MLPH: variants seen among roughly 807,000 people sequenced by gnomAD.
MLPH encodes the protein exophilin-3.
Under a neutral mutation model 72.1 loss-of-function variants are expected in MLPH, and 51 were observed. The observed-to-expected ratio is 0.71, with a 90% CI of 0.56 to 0.89. The LOEUF (loss-of-function observed/expected upper bound fraction) is 0.89. MLPH is among the 40% of genes least tolerant of loss of function. The pLI, the probability that MLPH is intolerant of heterozygous loss-of-function variation, is 0.00. For synonymous variants in MLPH, 301 were observed against 310.1 expected (o/e 0.97, Z 0.31); for missense variants, 743 against 759.9 (o/e 0.98, Z 0.26).
Position 237,488,884 on chromosome 2 carries a change from C to CA in MLPH, c.-25+1448dup, listed in dbSNP as rs1418711611. Reference sequence around the variant, plus strand: ...TAAGCCCCAGTCTCAGTGGTTGGGGCAGCCTTCTAGGGCCAACTGTCTTGT... The same window carrying CA: ...TAAGCCCCAGTCTCAGTGGTTGGGGCAAGCCTTCTAGGGCCAACTGTCTTGT... On this transcript the variant is annotated intron_variant, in intron 1 of 15. Coordinates refer to ENST00000264605, the MANE Select transcript of MLPH (RefSeq NM_024101.7). Among the ~76,000 whole-genome samples the CA allele has an allele frequency of 3.9e-5, 6 of 152,322 alleles. No homozygotes were observed. In the East Asian group the frequency reaches 1.2e-3, roughly 29 times the overall value.
intron 9 of MLPH, among the ~76,000 whole-genome samples, chr2:237,539,538 A>G (rs1274693291): frequency 6.6e-6 from 1 of 152,136 alleles, no homozygotes; most frequent in Non-Finnish European, 1.5e-5. Flanking sequence ...TTTATCACAT[A>G]ACTCTGCCAC....
intron 8 of MLPH, among the ~76,000 whole-genome samples, chr2:237,533,040 C>T (rs1171024746): frequency 6.6e-6 from 1 of 152,196 alleles, no homozygotes; most frequent in African/African-American, 2.4e-5. Flanking sequence ...CTGATGGTGC[C>T]TTTGATCACA....
intron 12 of MLPH, chr2:237,545,645 C>T (rs1453159672): frequency 1.1e-5 from 14 of 1,276,006 alleles, no homozygotes; most frequent in East Asian, 1.1e-4. Flanking sequence ...GAGCTGCTCA[C>T]GTCAGGCCAA....
rs767893507 is a variant in MLPH at position 237,540,809 on chromosome 2, C to A, written c.1298C>A (p.Thr433Lys). 1.9e-6 allele frequency: 3 copies of A among 1,613,122 alleles called. No individual in the cohort carries two copies. In the South Asian group the frequency reaches 3.3e-5, roughly 18 times the overall value. ...PLPQADPEVG[T>K]AAHQTNRQEK... ...CGTCCTTCTCTTTCCTAGGTGGGCACGGCTGCCCATCAAACCAACAGACAG... is the reference window on the plus strand; with the variant it reads ...CGTCCTTCTCTTTCCTAGGTGGGCAAGGCTGCCCATCAAACCAACAGACAG... The change falls in exon 11 of 16, where the codon ACG becomes AAG. Residue 433 changes from threonine to lysine, a missense_variant. Transcript: ENST00000264605.
At chr2:237,532,565 G>A (rs1310098730) in intron 8 of MLPH, among the ~76,000 whole-genome samples, 7 of 152,242 alleles carry the variant, frequency 4.6e-5, no homozygotes, top group Non-Finnish European at 7.3e-5. Context: ...GACATATTTT[G>A]TTGGTTTGCT....
chr2:237,503,074 A>G (rs2079685517), intron 2 of MLPH, among the ~76,000 whole-genome samples: 1 of 152,194 alleles, frequency 6.6e-6, no homozygotes, highest in South Asian at 2.1e-4. Flanking sequence ...AGCCAAGATC[A>G]CACCACTTCA....
In MLPH at chr2:237,518,545, C is replaced by A; in HGVS notation, c.452C>A (p.Pro151His). Reference protein sequence around the residue: ...LHGRLQGGAGPELISEERSGD... With the variant: ...LHGRLQGGAGHELISEERSGD... ...ATGCAGGTATCTATTGCAGCTGGGC[C>A]TGAACTGATATCTGAAGAGAGAAGT... The change falls in exon 5 of 16, where the codon CCT becomes CAT. Residue 151 changes from proline (P) to histidine (H), a missense_variant. Transcript: ENST00000264605. The A allele has an allele frequency of 6.2e-7, 1 of 1,612,778 alleles. No individual in the cohort carries two copies. The highest frequency in any genetic ancestry group is 8.5e-7 in the Non-Finnish European group (1 of 1,179,370).
In MLPH at chr2:237,518,585, G is replaced by C. The variant is rs2080104227; in HGVS notation, c.492G>C (p.Gln164His). ...ISEERSGDSD[Q>H]TDEDGEPGSE... ...AAGAGAGAAGTGGAGACAGCGACCA[G>C]ACAGATGAGGATGGAGAACCTGGCT... Residue 164 changes from glutamine (Q) to histidine (H), a missense_variant, in exon 5 of 16, where the codon CAG becomes CAC. Physicochemically the swap from Gln to His is conservative, Grantham distance 24. Coordinates refer to ENST00000264605, the MANE Select transcript of MLPH (RefSeq NM_024101.7). 6.2e-7 allele frequency: 1 copy of C among 1,613,798 alleles called. No homozygotes were observed. The highest frequency in any genetic ancestry group is 8.5e-7 in the Non-Finnish European group (1 of 1,179,924).
chr2:237,553,212 C>A (rs67525826), intron 15 of MLPH: 103,978 of 484,194 alleles, frequency 0.21, 15,169 homozygotes, highest in African/African-American at 0.51. Context: ...TGGTTGGTTG[C>A]GGGAGGGGAC....
chr2:237,542,971 TG>T (rs1268841578), intron 12 of MLPH, among the ~76,000 whole-genome samples: 1 of 9,304 alleles, frequency 1.1e-4, no homozygotes, highest in Non-Finnish European at 1.4e-4. Context: ...CGGTAGTGAG[TG>T]GGGGGACAGT....
At chr2:237,525,557 C>T (rs758589025) in intron 6 of MLPH, 44 bp from the exon 7 acceptor site, 1 of 1,603,954 alleles carries the variant, frequency 6.2e-7, no homozygotes, top group South Asian at 1.1e-5. Flanking sequence ...AGCGGCCCCT[C>T]CTAGTAAACC....
chr2:237,487,509 G>C (rs2079340406), intron 1 of MLPH, 72 bp downstream of exon 1: 1 of 153,066 alleles, frequency 6.5e-6, no homozygotes. Flanking sequence ...GCTTTGGGGG[G>C]TGCGCGGTGT....
At chr2:237,526,233 G>T (rs553675607) in intron 7 of MLPH, among the ~76,000 whole-genome samples, 1 of 152,124 alleles carries the variant, frequency 6.6e-6, no homozygotes, top group African/African-American at 2.4e-5. Flanking sequence ...AAATCTGCTT[G>T]GCTTAACTTT....
rs1157124697 is a variant in MLPH at position 237,505,587 on chromosome 2, C to T, written c.111-4987C>T. 1.3e-5 allele frequency among the ~76,000 whole-genome samples: 2 copies of T among 152,202 alleles called. No homozygotes were observed. The highest frequency in any genetic ancestry group is 2.9e-5 in the Non-Finnish European group (2 of 68,022). ...CCATCCTGGGCTCTCCCCAGTATTC[C>T]TGCATGTTGCCACCACACCCCTGTC... is the stretch of plus-strand genomic sequence containing the variant. On this transcript the variant is annotated intron_variant, in intron 2 of 15. Transcript: ENST00000264605. The surrounding 1 kb of genome is among the most constrained non-coding windows in gnomAD (Gnocchi z 4.5).
At chr2:237,518,232 T>C in intron 4 of MLPH, 1 of 476,982 alleles carries the variant, frequency 2.1e-6, no homozygotes, top group South Asian at 1.9e-5. Context: ...GATAGGTGGG[T>C]GTATGGGTGG....
Position 237,512,158 on chromosome 2 carries a change from C to T in MLPH, c.445+1057C>T, listed in dbSNP as rs189262715. 7.2e-4 allele frequency among the ~76,000 whole-genome samples: 110 copies of T among 152,354 alleles called. No individual in the cohort carries two copies. Among genetic ancestry groups the T allele is most frequent in the African/African-American group, 2.5e-3 (105 of 41,586 alleles). The stretch of plus-strand genomic sequence containing the variant: ...CAGAGGCTGTGCTTCTGGATTGGGG[C>T]GTCCTCACCATGCCCCAGCCCAGGC... On this transcript the variant is annotated intron_variant, in intron 4 of 15. Transcript: ENST00000264605. This position sits in a 1 kb window ranked among gnomAD's most constrained non-coding sequence, Gnocchi z 5.5.
chr2:237,540,035 G>A (rs1198376291), intron 9 of MLPH, among the ~76,000 whole-genome samples: 3 of 152,204 alleles, frequency 2.0e-5, no homozygotes, highest in Non-Finnish European at 2.9e-5. Context: ...GAGTAAGGAC[G>A]TCAGCCTGGA....
In MLPH at chr2:237,540,473, C is replaced by G. The variant is rs921778262; in HGVS notation, c.1230C>G (p.Asp410Glu). Reference sequence around the variant, plus strand: ...CGTCCGAGGAGGAGGAAGCCAAGGACGAAAAGGCAGAGCCCAACAGGGACA... The same window carrying G: ...CGTCCGAGGAGGAGGAAGCCAAGGAGGAAAAGGCAGAGCCCAACAGGGACA... The part of the protein sequence containing the change: ...ETSSEEEEAK[D>E]EKAEPNRDKS... The change falls in exon 10 of 16, where the codon GAC becomes GAG. Residue 410 changes from aspartate (D) to glutamate (E), a missense_variant. Physicochemically the swap from Asp to Glu is conservative, Grantham distance 45. Coordinates refer to ENST00000264605, the MANE Select transcript of MLPH (RefSeq NM_024101.7). 3 of 1,613,282 alleles carry G rather than the reference C, an allele frequency of 1.9e-6. No homozygotes were observed. The highest frequency in any genetic ancestry group is 3.3e-5 in the Admixed American group (2 of 60,018).
At chr2:237,520,716 A>T (rs2080164507) in intron 6 of MLPH, among the ~76,000 whole-genome samples, 1 of 152,210 alleles carries the variant, frequency 6.6e-6, no homozygotes, top group South Asian at 2.1e-4. Context: ...GGATGGGATA[A>T]AAAAAGAGAG....
Sources: allele counts gnomAD v4.1 joint callset (sites outside exome capture counted in the v4.1 genomes callset), GRCh38; gene constraint gnomAD v4.1.1; non-coding constraint Gnocchi (gnomAD v3.1); transcripts MANE v1.5; gene names NCBI Gene and HGNC (gene_info 2026-07-23, HGNC 2026-07-21).